TAF1B: variants seen among roughly 807,000 people sequenced by gnomAD.
TAF1B encodes TATA box-binding protein-associated factor RNA polymerase I subunit B.
TAF1B carries 61 observed loss-of-function variants against 83.9 expected under a neutral mutation model. That is an observed-to-expected ratio of 0.73 (90% CI 0.59 to 0.90). TAF1B has a LOEUF of 0.90. Among genes scored for constraint, TAF1B ranks in the 40% least tolerant of loss-of-function variants. The pLI, the probability that TAF1B is intolerant of heterozygous loss-of-function variation, is 0.00. For synonymous variants in TAF1B, 221 were observed against 224.6 expected (o/e 0.98, Z 0.14); for missense variants, 625 against 677.0 (o/e 0.92, Z 0.85).
chr2:9,871,459 C>G (rs1391696360), intron 6 of TAF1B, among the ~76,000 whole-genome samples: 1 of 152,086 alleles, frequency 6.6e-6, no homozygotes, highest in East Asian at 1.9e-4. Flanking sequence ...CATCCCATTT[C>G]TTCTTTCCTG....
At chr2:9,932,121 T>TAAA (rs1346330616) in intron 14 of TAF1B, among the ~76,000 whole-genome samples, 3 of 152,226 alleles carry the variant, frequency 2.0e-5, no homozygotes, top group Non-Finnish European at 2.9e-5. Flanking sequence ...CATCTGCCTT[T>TAAA]AGCTCAGAAA....
chr2:9,911,286 T>C (rs1046155533), intron 10 of TAF1B, among the ~76,000 whole-genome samples: 1 of 152,196 alleles, frequency 6.6e-6, no homozygotes, highest in Admixed American at 6.5e-5. Context: ...TTCTCAAAGA[T>C]TATTTTAGAA....
In TAF1B at chr2:9,931,504, C is replaced by T. The variant is rs557876137; in HGVS notation, c.1566-2279C>T. On this transcript the variant is annotated intron_variant, in intron 14 of 14. Coordinates refer to ENST00000263663, the MANE Select transcript of TAF1B (RefSeq NM_005680.3). ...AATGTTGAATATTGTCCCCCGCTTTCTTCTGGCTTGTAGAGTTTCTGCCGA... is the reference window on the plus strand; with the variant it reads ...AATGTTGAATATTGTCCCCCGCTTTTTTCTGGCTTGTAGAGTTTCTGCCGA... Among the ~76,000 whole-genome samples the T allele has an allele frequency of 3.9e-5, 6 of 152,304 alleles. No homozygotes were observed. The South Asian group carries it at 1.0e-3, about 26-fold the overall frequency.
chr2:9,865,667 G>T (rs1478039946), intron 5 of TAF1B, among the ~76,000 whole-genome samples: 1 of 151,880 alleles, frequency 6.6e-6, no homozygotes, highest in Non-Finnish European at 1.5e-5. Context: ...GAGGCATCAC[G>T]CTACCTGACT....
rs373398330 is a variant in TAF1B at position 9,934,140 on chromosome 2, T to C, written c.*156T>C. The C allele has an allele frequency of 2.6e-4, 163 of 620,714 alleles. No individual in the cohort carries two copies. The African/African-American group carries it at 2.7e-3, about 10-fold the overall frequency. The allele number at this position is 620,714 out of a possible 1,614,324, so 38.5% of individuals were successfully genotyped here. A position where few individuals can be genotyped will look rare whatever the true frequency, so the allele number is the denominator to read the frequency against. On this transcript the variant is annotated 3_prime_UTR_variant, in exon 15 of 15. Coordinates refer to ENST00000263663, the MANE Select transcript of TAF1B (RefSeq NM_005680.3). Reference sequence around the variant, plus strand: ...TATATCAAGTGTGCTTAGAAAAATGTATATTGTAAAGCAGGTGAGCTTCAT... The same window carrying C: ...TATATCAAGTGTGCTTAGAAAAATGCATATTGTAAAGCAGGTGAGCTTCAT...
intron 9 of TAF1B, among the ~76,000 whole-genome samples, chr2:9,907,025 G>A (rs140179269): frequency 4.2e-4 from 64 of 152,058 alleles, no homozygotes; most frequent in African/African-American, 1.5e-3. Context: ...CTGCAGGCAC[G>A]CACCACCATA....
chr2:9,862,109 T>C lies in TAF1B; in HGVS notation c.400-6167T>C, dbSNP rs955489450. On this transcript the variant is annotated intron_variant, in intron 5 of 14. Coordinates refer to ENST00000263663, the MANE Select transcript of TAF1B (RefSeq NM_005680.3). ...CTGGAAGGAGAATGACATTGACGAG[T>C]CGAGAGAAGAAGGCTTCAGAAGATC... Among the ~76,000 whole-genome samples the C allele has an allele frequency of 4.6e-5, 7 of 151,464 alleles. 1 individual carries two copies. Among genetic ancestry groups the C allele is most frequent in the African/African-American group, 1.7e-4 (7 of 41,174 alleles).
rs1664550267 is a variant in TAF1B at position 9,882,768 on chromosome 2, A to C, written c.770A>C (p.Lys257Thr). 4 of 1,611,752 alleles carry C rather than the reference A, an allele frequency of 2.5e-6. No homozygotes were observed. The highest frequency in any genetic ancestry group is 3.4e-6 in the Non-Finnish European group (4 of 1,178,890). Reference protein sequence around the residue: ...NAFQHFPEQMKLYGRDRGIFG... With the variant: ...NAFQHFPEQMTLYGRDRGIFG... ...TTTCAGCATTTTCCAGAACAGATGA[A>C]ATTATATGGACGTGACAGAGGAATC... Residue 257 changes from lysine to threonine, a missense_variant, in exon 8 of 15, where the codon AAA (lysine) becomes ACA (threonine). Transcript: ENST00000263663.
At chr2:9,896,692 T>C (rs2125164577) in intron 8 of TAF1B, among the ~76,000 whole-genome samples, 1 of 148,146 alleles carries the variant, frequency 6.8e-6, no homozygotes, top group East Asian at 2.0e-4. Flanking sequence ...TTTCTTTCCA[T>C]TAAGTTGTTC....
chr2:9,879,960 C>T (rs1347498247), intron 7 of TAF1B, among the ~76,000 whole-genome samples: 1 of 152,004 alleles, frequency 6.6e-6, no homozygotes, highest in Non-Finnish European at 1.5e-5. Flanking sequence ...AAGATTGCAG[C>T]AGGAGAGATA....
chr2:9,928,149 G>C (rs1029920648), intron 14 of TAF1B, among the ~76,000 whole-genome samples: 1 of 152,150 alleles, frequency 6.6e-6, no homozygotes, highest in Non-Finnish European at 1.5e-5. Flanking sequence ...GTTTTTGTCA[G>C]GTTTGTCAAA....
intron 14 of TAF1B, among the ~76,000 whole-genome samples, chr2:9,925,104 T>C (rs1038568079): frequency 3.9e-5 from 6 of 152,182 alleles, no homozygotes; most frequent in African/African-American, 1.4e-4. Flanking sequence ...GATTTTAATT[T>C]TTTAAAAATT....
intron 14 of TAF1B, among the ~76,000 whole-genome samples, chr2:9,931,711 G>T (rs1314128036): frequency 6.6e-6 from 1 of 152,112 alleles, no homozygotes; most frequent in Non-Finnish European, 1.5e-5. Context: ...TTGAATGTTG[G>T]CCTGCCTTGC....
At chr2:9,909,903 C>T (rs1352453082) in intron 9 of TAF1B, among the ~76,000 whole-genome samples, 1 of 152,144 alleles carries the variant, frequency 6.6e-6, no homozygotes. Context: ...TATTCTCAAC[C>T]ATGGTACTAT....
At chr2:9,867,067 C>T (rs1464372637) in intron 5 of TAF1B, among the ~76,000 whole-genome samples, 2 of 151,768 alleles carry the variant, frequency 1.3e-5, no homozygotes, top group Non-Finnish European at 2.9e-5. Flanking sequence ...GCACATGTAC[C>T]CTAAAACTTA....
chr2:9,886,604 A>G (rs917097467), intron 8 of TAF1B, among the ~76,000 whole-genome samples: 1 of 152,216 alleles, frequency 6.6e-6, no homozygotes, highest in African/African-American at 2.4e-5. Flanking sequence ...AATTATTTTC[A>G]AAAATTTCTT....
intron 8 of TAF1B, among the ~76,000 whole-genome samples, chr2:9,899,944 C>G (rs996190100): frequency 1.3e-5 from 2 of 152,178 alleles, no homozygotes; most frequent in African/African-American, 4.8e-5. Flanking sequence ...GTTTTCTTAG[C>G]TGCTTAATAT....
At chr2:9,843,837 G>T in intron 1 of TAF1B, 1 of 291,826 alleles carries the variant, frequency 3.4e-6, no homozygotes, top group Non-Finnish European at 6.4e-6. Context: ...GAAGCTGTGG[G>T]TTTTGTGGGG....
chr2:9,881,155 GA>G (rs1170317359), intron 7 of TAF1B, among the ~76,000 whole-genome samples: 1 of 152,072 alleles, frequency 6.6e-6, no homozygotes. Flanking sequence ...CCAACATGGT[GA>G]AAACCTGTCT....
Sources: gnomAD v4.1 joint callset for allele counts (sites outside exome capture counted in the v4.1 genomes callset) on GRCh38, gnomAD v4.1.1 for gene constraint, MANE v1.5 for transcripts, NCBI Gene and HGNC (gene_info 2026-07-23, HGNC 2026-07-21) for gene names.